ZFAT: variants seen among roughly 807,000 people sequenced by gnomAD.
ZFAT encodes zinc finger protein ZFAT.
A neutral mutation model predicts 117.7 loss-of-function variants in ZFAT; 64 were observed. The observed-to-expected ratio is 0.54, with a 90% CI of 0.44 to 0.67. The LOEUF (loss-of-function observed/expected upper bound fraction) is 0.67, where lower values mean the gene tolerates loss of function less well. ZFAT is among the 30% of genes least tolerant of loss of function. ZFAT has a pLI of 0.00. For synonymous variants in ZFAT, 679 were observed against 615.0 expected (o/e 1.10, Z -1.54); for missense variants, 1,433 against 1,584.5 (o/e 0.90, Z 1.62).
chr8:134,715,035 TA>T (rs1814195196), upstream of ZFAT, among the ~76,000 whole-genome samples: 1 of 152,226 alleles, frequency 6.6e-6, no homozygotes, highest in Non-Finnish European at 1.5e-5. Context: ...ATATTTACAA[TA>T]ATCATTATTT....
At chr8:134,827,337 G>A in the ZFAT span, among the ~76,000 whole-genome samples, 5 of 151,696 alleles carry the variant, frequency 3.3e-5, no homozygotes, top group East Asian at 1.9e-4. Flanking sequence ...GAGCCACCAC[G>A]CCTGGCCTGA....
chr8:134,754,499 A>C, the ZFAT span, among the ~76,000 whole-genome samples: 4 of 152,246 alleles, frequency 2.6e-5, no homozygotes, highest in South Asian at 2.1e-4. Flanking sequence ...CACAGACTGC[A>C]TGTCCAACTC....
chr8:134,733,329 C>T, the ZFAT span, among the ~76,000 whole-genome samples: 1 of 152,192 alleles, frequency 6.6e-6, no homozygotes, highest in African/African-American at 2.4e-5. Context: ...CAATATCACG[C>T]TTTAGGTGAC....
At chr8:134,526,028 T>C (rs1199287286) in intron 12 of ZFAT, among the ~76,000 whole-genome samples, 1 of 152,154 alleles carries the variant, frequency 6.6e-6, no homozygotes, top group East Asian at 1.9e-4. Context: ...CTCCAAGTTA[T>C]GAAGACCTCC....
chr8:134,788,368 C>T, the ZFAT span, among the ~76,000 whole-genome samples: 2 of 151,872 alleles, frequency 1.3e-5, no homozygotes, highest in African/African-American at 2.4e-5. Flanking sequence ...ATTCTTTGAC[C>T]CAGGGACTAT....
chr8:134,514,224 C>A (rs968570370), intron 13 of ZFAT, among the ~76,000 whole-genome samples: 1 of 152,182 alleles, frequency 6.6e-6, no homozygotes, highest in African/African-American at 2.4e-5. Flanking sequence ...AGTCTTATGT[C>A]AACTATTTCT....
At chr8:134,717,125 G>A (rs1814220426), upstream of ZFAT, among the ~76,000 whole-genome samples, 1 of 152,118 alleles carries the variant, frequency 6.6e-6, no homozygotes, top group Non-Finnish European at 1.5e-5. Context: ...ACTGCTATAT[G>A]GCCCTGCTAA....
intron 10 of ZFAT, among the ~76,000 whole-genome samples, chr8:134,575,254 T>A (rs924216277): frequency 6.6e-6 from 1 of 152,202 alleles, no homozygotes; most frequent in African/African-American, 2.4e-5. Flanking sequence ...TTTGCAGATG[T>A]GATTAAGCTA....
At chr8:134,600,976 T>C (rs1827391043) in intron 6 of ZFAT, among the ~76,000 whole-genome samples, 1 of 152,134 alleles carries the variant, frequency 6.6e-6, no homozygotes, top group Admixed American at 6.6e-5. Context: ...AATCTCTAAG[T>C]TCTACCGGCC....
intron 1 of ZFAT, among the ~76,000 whole-genome samples, chr8:134,709,677 G>T (rs915386033): frequency 6.6e-5 from 10 of 152,212 alleles, no homozygotes; most frequent in Non-Finnish European, 1.2e-4. Context: ...TGCAATTAAG[G>T]AGACTTTTTA....
the ZFAT span, among the ~76,000 whole-genome samples, chr8:134,783,403 T>C: frequency 4.6e-5 from 7 of 152,078 alleles, no homozygotes; most frequent in African/African-American, 7.2e-5. Flanking sequence ...GGGATCTAGG[T>C]TGCACACTCC....
intron 10 of ZFAT, among the ~76,000 whole-genome samples, chr8:134,578,981 A>C (rs1399618759): frequency 6.6e-6 from 1 of 152,236 alleles, no homozygotes; most frequent in Admixed American, 6.5e-5. Context: ...TACACTTTTC[A>C]AAGTTCGTAA....
upstream of ZFAT, among the ~76,000 whole-genome samples, chr8:134,716,810 A>G (rs1814215210): frequency 6.6e-6 from 1 of 152,266 alleles, no homozygotes; most frequent in Non-Finnish European, 1.5e-5. Context: ...GTTACAATTC[A>G]AAGAAAGGGT....
intron 2 of ZFAT, among the ~76,000 whole-genome samples, chr8:134,646,751 TA>T (rs1447377099): frequency 6.6e-6 from 1 of 151,916 alleles, no homozygotes; most frequent in Non-Finnish European, 1.5e-5. Flanking sequence ...CAAGTGATCA[TA>T]AAAGACTACT....
At chr8:134,616,595 A>G (rs936260882) in intron 3 of ZFAT, among the ~76,000 whole-genome samples, 1 of 152,108 alleles carries the variant, frequency 6.6e-6, no homozygotes, top group African/African-American at 2.4e-5. Flanking sequence ...TGACTTTTTC[A>G]ACTTTTCTAC....
At chr8:134,687,972 G>A (rs1018329851) in intron 1 of ZFAT, among the ~76,000 whole-genome samples, 1 of 152,176 alleles carries the variant, frequency 6.6e-6, no homozygotes, top group African/African-American at 2.4e-5. Context: ...AGAAGCCCTG[G>A]TTCAAACCCC....
At chr8:134,831,126 G>A in the ZFAT span, among the ~76,000 whole-genome samples, 1 of 152,154 alleles carries the variant, frequency 6.6e-6, no homozygotes, top group Non-Finnish European at 1.5e-5. Context: ...TGACTGCTTG[G>A]GCATATCAAG....
chr8:134,781,853 T>G, the ZFAT span, among the ~76,000 whole-genome samples: 13 of 152,222 alleles, frequency 8.5e-5, no homozygotes, highest in Non-Finnish European at 8.8e-5. Flanking sequence ...ATATTTTCTC[T>G]ACCTTGCAAT....
intron 3 of ZFAT, among the ~76,000 whole-genome samples, chr8:134,617,711 T>C (rs1828843376): frequency 6.6e-6 from 1 of 152,252 alleles, no homozygotes; most frequent in Admixed American, 6.5e-5. Flanking sequence ...GTTTGTATGG[T>C]GACCTGCTTA....
Sources: gnomAD v4.1 joint callset for allele counts (sites outside exome capture counted in the v4.1 genomes callset) on GRCh38, gnomAD v4.1.1 for gene constraint, MANE v1.5 for transcripts, NCBI Gene and HGNC (gene_info 2026-07-23, HGNC 2026-07-21) for gene names.